FOXJ3: variants seen among roughly 807,000 people sequenced by gnomAD.
The protein encoded by FOXJ3 is forkhead box protein J3.
In FOXJ3, 22 loss-of-function variants were observed where a neutral mutation model predicts 76.1. That is an observed-to-expected ratio of 0.29 (90% confidence interval 0.21 to 0.41). The LOEUF is 0.41. Ranked by LOEUF, FOXJ3 falls within the 10% of genes least tolerant of loss-of-function variation. FOXJ3 has a pLI of 1.00. For synonymous variants in FOXJ3, 269 were observed against 261.2 expected, an observed-to-expected ratio of 1.03 and a Z score of -0.29; for missense variants, 613 against 762.1, an observed-to-expected ratio of 0.80 and a Z score of 2.30.
chr1:42,285,412 T>TA (rs1243806369), intron 2 of FOXJ3, among the ~76,000 whole-genome samples: 1,946 of 144,908 alleles, frequency 0.013, 33 homozygotes, highest in African/African-American at 0.037. Context: ...GTCTTCACAT[T>TA]AAAAAAAAAA....
chr1:42,226,222 TAAA>T (rs35054730), intron 5 of FOXJ3, among the ~76,000 whole-genome samples: 1 of 141,798 alleles, frequency 7.1e-6, no homozygotes, highest in East Asian at 2.0e-4. Flanking sequence ...GAGGAGTGCT[TAAA>T]AAAAAAAAAA....
Position 42,179,807 on chromosome 1 carries a change from T to C in FOXJ3, c.1772A>G (p.Asn591Ser), listed in dbSNP as rs766327895. 1.3e-5 allele frequency: 21 copies of C among 1,613,374 alleles called. No individual in the cohort carries two copies. The Admixed American group carries it at 3.3e-4, about 26-fold the overall frequency. ...TTGGGAAGGCATCATGTGCTGCTGG[T>C]TCATGGCTCTGTGATGGCCTGGAAG... ...TTMAGHHRAM[N>S]QQHMMPSQAF... The change falls in exon 13 of 13, where the codon AAC becomes AGC. Residue 591 changes from asparagine to serine, a missense_variant. By Grantham distance (46) the Asn-to-Ser change is conservative (BLOSUM62 1). This residue lies in a region of FOXJ3 where 526 missense variants were observed against 601.4 expected (regional missense o/e 0.87). Coordinates refer to ENST00000361346, the MANE Select transcript of FOXJ3 (RefSeq NM_014947.5).
At chr1:42,333,085 C>CA (rs541549738) in intron 1 of FOXJ3, among the ~76,000 whole-genome samples, 189 of 148,638 alleles carry the variant, frequency 1.3e-3, no homozygotes, top group Middle Eastern at 0.01. Context: ...GCTGACTTAC[C>CA]AAAAAAAAAC....
At chr1:42,252,597 A>C (rs936180427) in intron 4 of FOXJ3, among the ~76,000 whole-genome samples, 1 of 149,728 alleles carries the variant, frequency 6.7e-6, no homozygotes, top group African/African-American at 2.5e-5. Context: ...TAATTTTTTG[A>C]AGGGTTTTTT....
chr1:42,256,816 G>T (rs1014289836), intron 4 of FOXJ3, among the ~76,000 whole-genome samples: 1 of 152,182 alleles, frequency 6.6e-6, no homozygotes, highest in African/African-American at 2.4e-5. Flanking sequence ...GAAAACACCT[G>T]AAGTGTTTGT....
intron 2 of FOXJ3, among the ~76,000 whole-genome samples, chr1:42,290,575 C>A (rs1171877071): frequency 1.3e-5 from 2 of 152,180 alleles, no homozygotes; most frequent in African/African-American, 4.8e-5. Context: ...TAAAATCCTT[C>A]TTATTCTTCT....
At chr1:42,302,476 A>G (rs983507630) in intron 2 of FOXJ3, among the ~76,000 whole-genome samples, 3 of 152,354 alleles carry the variant, frequency 2.0e-5, no homozygotes, top group African/African-American at 7.2e-5. Context: ...AGGTCTCCCA[A>G]TAGCAGGGCA....
Position 42,258,320 on chromosome 1 carries a change from G to A in FOXJ3, c.444+6795C>T, listed in dbSNP as rs569073473. 3.9e-5 allele frequency among the ~76,000 whole-genome samples: 6 copies of A among 152,270 alleles called. 1 individual carries two copies. In the East Asian group the frequency reaches 7.7e-4, roughly 20 times the overall value. ...GGATGCTGTTCCTGGTAACTGCTCAGGCACAGCATTTGCATGCACCACAGA... is the reference window on the plus strand; with the variant it reads ...GGATGCTGTTCCTGGTAACTGCTCAAGCACAGCATTTGCATGCACCACAGA... On this transcript the variant is annotated intron_variant, in intron 4 of 12. Transcript: ENST00000361346.
chr1:42,234,756 G>T lies in FOXJ3; in HGVS notation c.445-6790C>A, dbSNP rs186890405. Among the ~76,000 whole-genome samples, 16 of 152,260 alleles carry T rather than the reference G, an allele frequency of 1.1e-4. 1 individual carries two copies. Among genetic ancestry groups the T allele is most frequent in the African/African-American group, 3.6e-4 (15 of 41,566 alleles). On this transcript the variant is annotated intron_variant, in intron 4 of 12. Coordinates refer to ENST00000361346, the MANE Select transcript of FOXJ3 (RefSeq NM_014947.5). Reference sequence around the variant, plus strand: ...ATGTTGCTGCCTGACCGTTCCTCTGGAAGTTTTGTCTCAGAGGAGTACCTG... The same window carrying T: ...ATGTTGCTGCCTGACCGTTCCTCTGTAAGTTTTGTCTCAGAGGAGTACCTG...
intron 1 of FOXJ3, among the ~76,000 whole-genome samples, chr1:42,320,716 T>C (rs989507410): frequency 2.6e-5 from 4 of 152,178 alleles, no homozygotes; most frequent in African/African-American, 9.7e-5. Context: ...ACATGAAATA[T>C]GAAAAATTCA....
At chr1:42,251,695 G>A (rs1275253362) in intron 4 of FOXJ3, among the ~76,000 whole-genome samples, 7 of 143,840 alleles carry the variant, frequency 4.9e-5, no homozygotes, top group East Asian at 2.1e-4. Context: ...TGCTGGATTC[G>A]GTTTGCCAGT....
chr1:42,229,009 T>C (rs1027668302), intron 4 of FOXJ3, among the ~76,000 whole-genome samples: 64 of 152,186 alleles, frequency 4.2e-4, no homozygotes, highest in Admixed American at 3.8e-3. Flanking sequence ...CCTCACACTT[T>C]ATGCCCAACA....
At chr1:42,210,011 GT>G (rs554844935) in intron 5 of FOXJ3, among the ~76,000 whole-genome samples, 164 of 152,334 alleles carry the variant, frequency 1.1e-3, no homozygotes, top group Middle Eastern at 0.01. Flanking sequence ...GCCTGGGGCA[GT>G]TTTGAGTTCT....
chr1:42,198,818 A>C (rs539478400), intron 7 of FOXJ3, among the ~76,000 whole-genome samples: 2 of 152,162 alleles, frequency 1.3e-5, no homozygotes, highest in Non-Finnish European at 2.9e-5. Flanking sequence ...ACTAAAGTGC[A>C]ATTTTTTTCC....
rs1403167260 is a variant in FOXJ3 at position 42,176,678 on chromosome 1, T to G, written c.*3032A>C. ...TACAAATAATGGTTGCCGTTCATCA[T>G]AGAGGCAAAATATGAAATCGTGCAA... On this transcript the variant is annotated 3_prime_UTR_variant, in exon 13 of 13. Coordinates refer to ENST00000361346, the MANE Select transcript of FOXJ3 (RefSeq NM_014947.5). 1 of 152,650 alleles carries G rather than the reference T, an allele frequency of 6.6e-6. No homozygotes were observed. Among genetic ancestry groups the G allele is most frequent in the Non-Finnish European group, 1.5e-5 (1 of 68,038 alleles). The allele number at this position is 152,650 out of a possible 1,614,324, so 9.5% of individuals were successfully genotyped here.
chr1:42,191,773 A>G, intron 8 of FOXJ3, 54 bp from the exon 9 acceptor site: 4 of 1,563,938 alleles, frequency 2.6e-6, no homozygotes, highest in Non-Finnish European at 3.5e-6. Flanking sequence ...TTTTATGACA[A>G]ACATTTGTAA....
At chr1:42,229,117 G>A (rs762950208) in intron 4 of FOXJ3, among the ~76,000 whole-genome samples, 5 of 151,988 alleles carry the variant, frequency 3.3e-5, no homozygotes, top group African/African-American at 7.2e-5. Context: ...CCATACCAAT[G>A]ACAAACTCAT....
chr1:42,214,682 T>G (rs957699657), intron 5 of FOXJ3, among the ~76,000 whole-genome samples: 3 of 152,194 alleles, frequency 2.0e-5, no homozygotes, highest in Non-Finnish European at 4.4e-5. Context: ...CCTGTTTTGC[T>G]GCAGCTTTGC....
chr1:42,217,174 T>C (rs766733423), intron 5 of FOXJ3, among the ~76,000 whole-genome samples: 1 of 152,150 alleles, frequency 6.6e-6, no homozygotes, highest in Non-Finnish European at 1.5e-5. Context: ...ACAAAGTTAA[T>C]ATACAAAAAT....
Sources: gnomAD v4.1 joint callset for allele counts (sites outside exome capture counted in the v4.1 genomes callset) on GRCh38, gnomAD v4.1.1 for gene constraint, gnomAD v4.1.1 regional missense constraint, MANE v1.5 for transcripts, NCBI Gene and HGNC (gene_info 2026-07-23, HGNC 2026-07-21) for gene names.